Variants in ANKHD1 observed in about 807,000 individuals in gnomAD.
ANKHD1 encodes the protein ankyrin repeat and KH domain containing 1.
A neutral mutation model predicts 230.5 loss-of-function variants in ANKHD1; 31 were observed. The observed-to-expected ratio is 0.13, with a 90% CI of 0.10 to 0.18. The LOEUF is 0.18. ANKHD1 is among the 10% of genes least tolerant of loss of function. The probability of loss-of-function intolerance (pLI) is 1.00; values close to 1 mark genes in which losing one functional copy is unlikely to be tolerated. For synonymous variants in ANKHD1, 1,074 were observed against 1,117.6 expected (o/e 0.96, Z 0.78); for missense variants, 2,256 against 3,071.3 (o/e 0.73, Z 6.27).
At chr5:140,418,910 T>C (rs1297271255) in intron 1 of ANKHD1, among the ~76,000 whole-genome samples, 1 of 152,094 alleles carries the variant, frequency 6.6e-6, no homozygotes, top group Admixed American at 6.6e-5. Context: ...TTTGTATTTT[T>C]AGTAGAGATA....
Position 140,485,547 on chromosome 5 carries a change from A to C in ANKHD1, c.1999-42A>C. The C allele has an allele frequency of 6.2e-7, 1 of 1,608,592 alleles. No homozygotes were observed. Among genetic ancestry groups the C allele is most frequent in the Non-Finnish European group, 8.5e-7 (1 of 1,177,750 alleles). Reference sequence around the variant, plus strand: ...AGTTTTGATTTTATATGAGCTGCTAAGAAACTATAAAGAATTAATTATCAT... The same window carrying C: ...AGTTTTGATTTTATATGAGCTGCTACGAAACTATAAAGAATTAATTATCAT... On this transcript the variant is annotated intron_variant, in intron 12 of 33. Transcript: ENST00000360839. This position sits in a 1 kb window ranked among gnomAD's most constrained non-coding sequence, Gnocchi z 4.8.
intron 14 of ANKHD1, among the ~76,000 whole-genome samples, chr5:140,491,395 G>C (rs1346029644): frequency 2.0e-5 from 3 of 151,460 alleles, no homozygotes; most frequent in Non-Finnish European, 4.4e-5. Context: ...GAAGTCCTGA[G>C]CTCAAGAGAT....
In ANKHD1 at chr5:140,436,198, A is replaced by G; in HGVS notation, c.401A>G (p.Asp134Gly). ...IFLSSTAEGADLRTVDPETQA... is the reference protein window; with the variant it reads ...IFLSSTAEGAGLRTVDPETQA... ...TTATCAAGTACTGCAGAAGGAGCAG[A>G]CTTACGCACTGTGGATCCAGAGACA... is the stretch of plus-strand genomic sequence containing the variant. Residue 134 changes from aspartate to glycine, a missense_variant, in exon 2 of 34, where the codon GAC becomes GGC. Physicochemically the swap from Asp to Gly is moderately conservative, Grantham distance 94. Coordinates refer to ENST00000360839, the MANE Select transcript of ANKHD1 (RefSeq NM_017747.3). The G allele has an allele frequency of 6.2e-7, 1 of 1,609,128 alleles. No individual in the cohort carries two copies. The highest frequency in any genetic ancestry group is 8.5e-7 in the Non-Finnish European group (1 of 1,177,810).
At chr5:140,452,744 T>C (rs1774851604) in intron 7 of ANKHD1, among the ~76,000 whole-genome samples, 1 of 151,704 alleles carries the variant, frequency 6.6e-6, no homozygotes, top group East Asian at 1.9e-4. Context: ...AGACCAAAGG[T>C]AGATAAAACC....
intron 10 of ANKHD1, among the ~76,000 whole-genome samples, chr5:140,479,941 A>G (rs1057023884): frequency 2.0e-5 from 3 of 146,620 alleles, no homozygotes; most frequent in African/African-American, 2.5e-5. Context: ...TATGTATATA[A>G]TGGGGATTTT....
At chr5:140,409,774 G>A (rs551705850) in intron 1 of ANKHD1, among the ~76,000 whole-genome samples, 57 of 151,832 alleles carry the variant, frequency 3.8e-4, no homozygotes, top group Non-Finnish European at 5.4e-4. Context: ...GGATGGTCTC[G>A]GTCTCCTGAC....
chr5:140,514,839 G>A (rs1052511679), intron 24 of ANKHD1, among the ~76,000 whole-genome samples: 2 of 152,060 alleles, frequency 1.3e-5, no homozygotes, highest in South Asian at 4.1e-4. Flanking sequence ...GGGCATAGAG[G>A]TGCACACCTG....
intron 11 of ANKHD1, 143 bp downstream of exon 11, chr5:140,482,810 A>G: frequency 1.1e-6 from 1 of 879,568 alleles, no homozygotes; most frequent in Non-Finnish European, 1.6e-6. Flanking sequence ...TTTATTTAGT[A>G]AGCATAGAGT....
rs754821199 is a variant in ANKHD1 at position 140,529,627 on chromosome 5, C to A, written c.6681C>A (p.Gly2227=). ...FDSSQVPANQ[G]WGDGPLSSRV... ...GTAGTCAGGTGCCAGCTAACCAGGG[C>A]TGGGGAGATGGTCCACTGTCCTCAC... Residue 2227 remains glycine (G), a synonymous_variant, in exon 29 of 34, where the codon GGC becomes GGA. Transcript: ENST00000360839. 3 of 1,614,094 alleles carry A rather than the reference C, an allele frequency of 1.9e-6. No individual in the cohort carries two copies.
At chr5:140,494,951 A>G (rs1187134837) in intron 14 of ANKHD1, among the ~76,000 whole-genome samples, 1 of 152,116 alleles carries the variant, frequency 6.6e-6, no homozygotes, top group Non-Finnish European at 1.5e-5. Flanking sequence ...GTTTTAGTAA[A>G]TTTACTGAGT....
At chr5:140,531,969 G>A (rs1176628646) in intron 29 of ANKHD1, among the ~76,000 whole-genome samples, 1 of 152,152 alleles carries the variant, frequency 6.6e-6, no homozygotes, top group Non-Finnish European at 1.5e-5. Context: ...AGCACTTTGG[G>A]AGGCCGAGGT....
chr5:140,530,734 G>C lies in ANKHD1; in HGVS notation c.6850+938G>C, dbSNP rs568779363. The stretch of plus-strand genomic sequence containing the variant: ...GCCAAATTTTAGTCTAATCTGCACT[G>C]TTCTGAAAAACAAATTAAAAATGTG... On this transcript the variant is annotated intron_variant, in intron 29 of 33. Coordinates refer to ENST00000360839, the MANE Select transcript of ANKHD1 (RefSeq NM_017747.3). 2.6e-5 allele frequency among the ~76,000 whole-genome samples: 4 copies of C among 152,346 alleles called. No individual in the cohort carries two copies. In the South Asian group the frequency reaches 6.2e-4, roughly 24 times the overall value.
chr5:140,494,811 T>C (rs552855087), intron 14 of ANKHD1, among the ~76,000 whole-genome samples: 2 of 152,364 alleles, frequency 1.3e-5, no homozygotes, highest in African/African-American at 4.8e-5. Flanking sequence ...CCAAATTACC[T>C]ATGTTATTCA....
chr5:140,475,620 A>G (rs993097635), intron 10 of ANKHD1, among the ~76,000 whole-genome samples: 2 of 152,254 alleles, frequency 1.3e-5, no homozygotes, highest in African/African-American at 4.8e-5. Context: ...TGGAAGAAAC[A>G]GAGACAACTG....
intron 14 of ANKHD1, among the ~76,000 whole-genome samples, chr5:140,489,192 A>G (rs918234335): frequency 1.4e-5 from 2 of 147,902 alleles, no homozygotes; most frequent in African/African-American, 4.9e-5. Flanking sequence ...CTTGTCTCCA[A>G]AAAAAAAAAA....
chr5:140,509,794 G>T lies in ANKHD1; in HGVS notation c.3923G>T (p.Cys1308Phe), dbSNP rs373812427. 4 of 1,611,122 alleles carry T rather than the reference G, an allele frequency of 2.5e-6. No homozygotes were observed. Among genetic ancestry groups the T allele is most frequent in the Non-Finnish European group, 2.5e-6 (3 of 1,179,448 alleles). The change falls in exon 21 of 34, where the codon TGT (cysteine) becomes TTT (phenylalanine). Residue 1308 changes from cysteine (C) to phenylalanine (F), a missense_variant. By Grantham distance (205) the Cys-to-Phe change is radical (BLOSUM62 -2). Coordinates refer to ENST00000360839, the MANE Select transcript of ANKHD1 (RefSeq NM_017747.3). ...IAADKGHYKFCELLIHRGAHI... is the reference protein window; with the variant it reads ...IAADKGHYKFFELLIHRGAHI... ...GCAGACAAAGGTCACTACAAATTTT[G>T]TGAACTCCTGATTCATAGGTGAGTA... is the stretch of plus-strand genomic sequence containing the variant.
chr5:140,413,109 T>C (rs1771073624), intron 1 of ANKHD1, among the ~76,000 whole-genome samples: 1 of 152,208 alleles, frequency 6.6e-6, no homozygotes, highest in Admixed American at 6.5e-5. Flanking sequence ...AGGTTACCCC[T>C]AAGAACCAAC....
At chr5:140,478,169 G>A (rs1031338544) in intron 10 of ANKHD1, among the ~76,000 whole-genome samples, 1 of 151,952 alleles carries the variant, frequency 6.6e-6, no homozygotes, top group East Asian at 1.9e-4. Context: ...TGTGGTACAT[G>A]ATATTCTATG....
At position 140,537,581 on chromosome 5, in the gene ANKHD1, C is replaced by T; in HGVS notation, c.7220C>T (p.Ala2407Val). 1 of 1,581,460 alleles carries T rather than the reference C, an allele frequency of 6.3e-7. No individual in the cohort carries two copies. Among genetic ancestry groups the T allele is most frequent in the Non-Finnish European group, 8.6e-7 (1 of 1,163,664 alleles). Residue 2407 changes from alanine (A) to valine (V), a missense_variant, in exon 31 of 34, where the codon GCT becomes GTT. Ala to Val is a moderately conservative substitution (Grantham distance 64, BLOSUM62 0). Coordinates refer to ENST00000360839, the MANE Select transcript of ANKHD1 (RefSeq NM_017747.3). ...GGAATCTGGTCATTTGGTGTCAATGCTGTGTCAGGTACAATTGCCTTGCTC... is the reference window on the plus strand; with the variant it reads ...GGAATCTGGTCATTTGGTGTCAATGTTGTGTCAGGTACAATTGCCTTGCTC... ...HSGIWSFGVN[A>V]VSEGLSGWSQ...
Sources: allele counts gnomAD v4.1 joint callset (sites outside exome capture counted in the v4.1 genomes callset), GRCh38; gene constraint gnomAD v4.1.1; non-coding constraint Gnocchi (gnomAD v3.1); transcripts MANE v1.5; gene names NCBI Gene and HGNC (gene_info 2026-07-23, HGNC 2026-07-21).